SLA: variants seen among roughly 807,000 people sequenced by gnomAD.
SLA encodes the protein Src like adaptor.
Under a neutral mutation model 30.3 loss-of-function variants are expected in SLA, and 16 were observed. That is an observed-to-expected ratio of 0.53 (90% CI 0.36 to 0.80). The LOEUF is 0.80. SLA is among the 30% of genes least tolerant of loss of function. The probability of loss-of-function intolerance (pLI) is 0.01; values close to 1 mark genes in which losing one functional copy is unlikely to be tolerated. For missense variants in SLA, 310 were observed against 345.2 expected (o/e 0.90, Z 0.81); for synonymous variants, 143 against 137.8 (o/e 1.04, Z -0.26).
chr8:133,102,566 G>A lies in SLA; in HGVS notation c.-332C>T. On this transcript the variant is annotated 5_prime_UTR_variant, in exon 1 of 9. Transcript: ENST00000338087. ...TTAGCAACCTACCGGTGGAGCATCAGGGCTGCCTGAGATGTTCTCCATTCG... is the reference window on the plus strand; with the variant it reads ...TTAGCAACCTACCGGTGGAGCATCAAGGCTGCCTGAGATGTTCTCCATTCG... 1 of 1,551,588 alleles carries A rather than the reference G, an allele frequency of 6.4e-7. No individual in the cohort carries two copies.
At chr8:133,057,797 A>C (rs1841734105) in intron 3 of SLA, among the ~76,000 whole-genome samples, 1 of 151,968 alleles carries the variant, frequency 6.6e-6, no homozygotes, top group Admixed American at 6.6e-5. Context: ...ACAAAAAAAC[A>C]GATGGGTAAA....
intron 1 of SLA, among the ~76,000 whole-genome samples, chr8:133,102,125 G>A (rs1374976141): frequency 6.6e-6 from 1 of 152,198 alleles, no homozygotes; most frequent in African/African-American, 2.4e-5. Flanking sequence ...TTAATATTAA[G>A]ATTAGTGTCC....
chr8:133,088,122 T>C (rs1157581123), intron 1 of SLA, among the ~76,000 whole-genome samples: 1 of 152,202 alleles, frequency 6.6e-6, no homozygotes, highest in East Asian at 1.9e-4. Context: ...TGCAGCACGG[T>C]TGTACATGTG....
chr8:133,058,837 C>T (rs1007673465), intron 3 of SLA, among the ~76,000 whole-genome samples: 3 of 152,178 alleles, frequency 2.0e-5, no homozygotes, highest in African/African-American at 7.2e-5. Flanking sequence ...TTTTGTTTAT[C>T]CCTCTTGCAT....
rs202161135 is a variant in SLA, at chr8:133,050,851, T to C, written c.126A>G (p.Ile42Met). The change falls in exon 4 of 9, where the codon ATA becomes ATG. Residue 42 changes from isoleucine (I) to methionine (M), a missense_variant. Coordinates refer to ENST00000338087, the MANE Select transcript of SLA (RefSeq NM_001045556.3). ...CACGCAGTTTCTCCCCTCGGCGGAATATCGGGGGGCTGATGTCAGGAGACG... is the reference window on the plus strand; with the variant it reads ...CACGCAGTTTCTCCCCTCGGCGGAACATCGGGGGGCTGATGTCAGGAGACG... ...DYPSPDISPP[I>M]FRRGEKLRVI... is the part of the protein sequence containing the mutation. 1.2e-6 allele frequency: 2 copies of C among 1,613,452 alleles called. No individual in the cohort carries two copies. The highest frequency in any genetic ancestry group is 1.7e-5 in the Admixed American group (1 of 60,010).
At chr8:133,074,034 G>T (rs1844485677) in intron 2 of SLA, among the ~76,000 whole-genome samples, 1 of 152,174 alleles carries the variant, frequency 6.6e-6, no homozygotes, top group South Asian at 2.1e-4. Flanking sequence ...TGAGGCCAAA[G>T]CTCAGGTCAC....
chr8:133,100,619 C>G (rs1264013995), intron 1 of SLA, among the ~76,000 whole-genome samples: 1 of 152,106 alleles, frequency 6.6e-6, no homozygotes, highest in East Asian at 1.9e-4. Flanking sequence ...AGAGAGAAAC[C>G]AGAATTAAAA....
intron 3 of SLA, among the ~76,000 whole-genome samples, chr8:133,052,877 C>T (rs768169734): frequency 4.5e-4 from 69 of 152,200 alleles, no homozygotes; most frequent in Non-Finnish European, 8.8e-4. Context: ...GAGTGGGACG[C>T]CTCCTTCTCC....
At chr8:133,047,686 G>A (rs540102537) in intron 6 of SLA, 144 bp downstream of exon 6, 181 of 676,326 alleles carry the variant, frequency 2.7e-4, no homozygotes, top group African/African-American at 2.5e-3. Flanking sequence ...CCCCAGCAGC[G>A]TGTGGGCTGC....
chr8:133,042,678 CTTTTTTTTTTTTTTTTT>C (rs58739514), intron 7 of SLA, among the ~76,000 whole-genome samples: 3,143 of 57,024 alleles, frequency 0.055, 199 homozygotes, highest in African/African-American at 0.2. Flanking sequence ...CATTCTGTGT[CTTTTTTTTTTTTTTTTT>C]TTTTTTTTTT....
chr8:133,065,544 G>A (rs55814750), intron 2 of SLA, among the ~76,000 whole-genome samples: 38,996 of 152,048 alleles, frequency 0.26, 5,123 homozygotes, highest in South Asian at 0.3. Flanking sequence ...GGTGGATCAC[G>A]TCAGGTCAGG....
At chr8:133,081,723 T>A (rs1391737212) in intron 1 of SLA, among the ~76,000 whole-genome samples, 1 of 143,174 alleles carries the variant, frequency 7.0e-6, no homozygotes, top group Non-Finnish European at 1.6e-5. Context: ...GGGGGAGATC[T>A]TACTGTTCTC....
chr8:133,077,613 C>T (rs1458364510), intron 1 of SLA, among the ~76,000 whole-genome samples: 2 of 152,186 alleles, frequency 1.3e-5, no homozygotes, highest in Non-Finnish European at 1.5e-5. Flanking sequence ...GACGGCAGGG[C>T]TGAAGCCCGA....
At chr8:133,090,048 TA>T (rs1847243090) in intron 1 of SLA, 1 of 152,232 alleles carries the variant, frequency 6.6e-6, no homozygotes, top group Admixed American at 6.5e-5. Context: ...CTGGATATAG[TA>T]CACATTTTTA....
At chr8:133,096,703 G>A (rs1052817615) in intron 1 of SLA, among the ~76,000 whole-genome samples, 4 of 152,192 alleles carry the variant, frequency 2.6e-5, no homozygotes, top group African/African-American at 7.2e-5. Context: ...GATGCTTGTT[G>A]TACTGAGAAC....
intron 1 of SLA, among the ~76,000 whole-genome samples, chr8:133,080,674 G>A (rs917323430): frequency 2.6e-5 from 4 of 152,058 alleles, no homozygotes; most frequent in African/African-American, 9.7e-5. Flanking sequence ...CTCCTTATCA[G>A]CCCCATGGCA....
chr8:133,061,466 A>G (rs1842361942), intron 2 of SLA, among the ~76,000 whole-genome samples: 1 of 152,218 alleles, frequency 6.6e-6, no homozygotes, highest in South Asian at 2.1e-4. Context: ...ATTGTCCTTA[A>G]TGATAAAATT....
chr8:133,047,236 A>G (rs888277204), intron 6 of SLA: 2 of 152,406 alleles, frequency 1.3e-5, no homozygotes, highest in Non-Finnish European at 2.9e-5. Context: ...CTTAATGCAT[A>G]TGATGCAAGG....
At chr8:133,043,647 T>C (rs2131127589) in intron 7 of SLA, among the ~76,000 whole-genome samples, 1 of 152,268 alleles carries the variant, frequency 6.6e-6, no homozygotes, top group African/African-American at 2.4e-5. Flanking sequence ...CCTCACAAGG[T>C]GCAAATCTGA....
Sources: gnomAD v4.1 joint callset for allele counts (sites outside exome capture counted in the v4.1 genomes callset) on GRCh38, gnomAD v4.1.1 for gene constraint, MANE v1.5 for transcripts, NCBI Gene and HGNC (gene_info 2026-07-23, HGNC 2026-07-21) for gene names.